MAOB: variants seen among roughly 807,000 people sequenced by gnomAD.
The protein encoded by MAOB is amine oxidase [flavin-containing] B.
In MAOB, 15 loss-of-function variants were observed where a neutral mutation model predicts 41.9. The observed-to-expected ratio is 0.36, with a 90% CI of 0.24 to 0.55. The LOEUF is 0.55. Ranked by LOEUF, MAOB falls within the 20% of genes least tolerant of loss-of-function variation. MAOB has a pLI of 0.86. For missense variants in MAOB, 345 were observed against 398.7 expected (o/e 0.87, Z 1.15); for synonymous variants, 167 against 144.2 (o/e 1.16, Z -1.13).
intron 1 of MAOB, among the ~76,000 whole-genome samples, chrX:43,879,616 CCTT>C (rs2035461299): frequency 1.8e-5 from 2 of 111,411 alleles, no homozygotes; most frequent in Admixed American, 1.9e-4. Context: ...TTTCCCAAAA[CCTT>C]CTCTCCCTCT....
chrX:43,870,550 C>T (rs1477269419), intron 1 of MAOB, among the ~76,000 whole-genome samples: 1 of 110,795 alleles, frequency 9.0e-6, no homozygotes, highest in Non-Finnish European at 1.9e-5. Context: ...AATCCCGGCT[C>T]TTTGGGAGGC....
At chrX:43,828,069 T>C (rs892819416) in intron 3 of MAOB, among the ~76,000 whole-genome samples, 1 of 111,757 alleles carries the variant, frequency 8.9e-6, no homozygotes. Context: ...CTGTTGTTTT[T>C]AGATGGACTC....
At chrX:43,775,070 TTTTG>T in intron 12 of MAOB, 101 bp downstream of exon 12, 1 of 897,534 alleles carries the variant, frequency 1.1e-6, no homozygotes, top group Non-Finnish European at 1.4e-6. Context: ...TTTTTTTTTT[TTTTG>T]TATTTATAAG....
At chrX:43,847,889 C>T (rs2035219496) in intron 1 of MAOB, among the ~76,000 whole-genome samples, 1 of 112,092 alleles carries the variant, frequency 8.9e-6, no homozygotes, top group African/African-American at 3.2e-5. Context: ...ATGACAGGCC[C>T]TTGGATGAAT....
At chrX:43,780,204 C>T in intron 10 of MAOB, 138 bp downstream of exon 10, 1 of 491,248 alleles carries the variant, frequency 2.0e-6, no homozygotes, top group Non-Finnish European at 3.5e-6. Context: ...ATTAGGCAGT[C>T]CGTAAGTTAA....
chrX:43,857,728 C>T (rs1304326819), intron 1 of MAOB, among the ~76,000 whole-genome samples: 2 of 111,216 alleles, frequency 1.8e-5, no homozygotes, highest in East Asian at 5.7e-4. Flanking sequence ...GGACTTGTCT[C>T]GGAGTCAGAG....
At chrX:43,810,014 C>G (rs1207347933) in intron 3 of MAOB, among the ~76,000 whole-genome samples, 5 of 99,780 alleles carry the variant, frequency 5.0e-5, no homozygotes, top group Non-Finnish European at 9.6e-5. Flanking sequence ...GAGGCCGAGG[C>G]GGGCGGATCA....
intron 1 of MAOB, among the ~76,000 whole-genome samples, chrX:43,869,230 T>C (rs779756066): frequency 6.3e-5 from 7 of 111,989 alleles, no homozygotes; most frequent in Non-Finnish European, 1.3e-4. Flanking sequence ...CTCTCTATTA[T>C]AATTTGTTTT....
At chrX:43,813,044 G>A (rs1294161768) in intron 3 of MAOB, among the ~76,000 whole-genome samples, 1 of 112,170 alleles carries the variant, frequency 8.9e-6, no homozygotes, top group African/African-American at 3.2e-5. Context: ...TATGAGATAG[G>A]CATCATGTTG....
At chrX:43,773,137 A>G (rs2034207385) in intron 12 of MAOB, among the ~76,000 whole-genome samples, 1 of 112,182 alleles carries the variant, frequency 8.9e-6, no homozygotes, top group African/African-American at 3.2e-5. Flanking sequence ...ATGCCATTCC[A>G]TCTGCATAGA....
At position 43,853,747 on chromosome X, in the gene MAOB, T is replaced by C. The variant is rs138466445; in HGVS notation, c.47-9983A>G. On this transcript the variant is annotated intron_variant, in intron 1 of 14. Coordinates refer to ENST00000378069, the MANE Select transcript of MAOB (RefSeq NM_000898.5). Reference sequence around the variant, plus strand: ...GAAGGCAGAGATAGAGTGATGCCTCTATAAGCCAAGAGGCACTAAAGATCG... The same window carrying C: ...GAAGGCAGAGATAGAGTGATGCCTCCATAAGCCAAGAGGCACTAAAGATCG... Among the ~76,000 whole-genome samples the C allele has an allele frequency of 0.014, 1,518 of 111,392 alleles. 44 individuals carry two copies. The South Asian group carries it at 0.16, about 12-fold the overall frequency.
chrX:43,836,571 A>G (rs910519688), intron 3 of MAOB, among the ~76,000 whole-genome samples: 3 of 112,365 alleles, frequency 2.7e-5, no homozygotes, highest in African/African-American at 9.7e-5. Flanking sequence ...GCATGTGCAT[A>G]CAATTTCTTA....
At chrX:43,814,676 A>G (rs1304756193) in intron 3 of MAOB, among the ~76,000 whole-genome samples, 3 of 111,944 alleles carry the variant, frequency 2.7e-5, no homozygotes, top group African/African-American at 9.7e-5. Context: ...TATATATTCA[A>G]TTGGTGTTTG....
intron 11 of MAOB, among the ~76,000 whole-genome samples, chrX:43,775,646 G>T (rs1178236441): frequency 1.8e-5 from 2 of 111,953 alleles, no homozygotes; most frequent in Non-Finnish European, 3.8e-5. Context: ...AGGAAAAAAA[G>T]ACAGAAAAAT....
intron 2 of MAOB, among the ~76,000 whole-genome samples, chrX:43,841,728 A>C (rs73473864): frequency 0.028 from 3,133 of 112,090 alleles, 106 homozygotes; most frequent in South Asian, 0.17. Context: ...CCAATAGAAC[A>C]GGATAGAAAG....
intron 3 of MAOB, among the ~76,000 whole-genome samples, chrX:43,816,277 A>G (rs971719848): frequency 8.9e-6 from 1 of 111,806 alleles, no homozygotes; most frequent in Non-Finnish European, 1.9e-5. Flanking sequence ...GGCTTTATGA[A>G]TATGTTCATT....
intron 1 of MAOB, among the ~76,000 whole-genome samples, chrX:43,847,356 A>G (rs2035214656): frequency 9.0e-6 from 1 of 111,302 alleles, no homozygotes; most frequent in Non-Finnish European, 1.9e-5. Context: ...AAAAAATAAA[A>G]TAAAATAAAA....
intron 13 of MAOB, 93 bp downstream of exon 13, chrX:43,769,214 G>C (rs768389254): frequency 9.5e-5 from 100 of 1,050,079 alleles, no homozygotes; most frequent in Non-Finnish European, 1.2e-4. Context: ...GGGGTTACTG[G>C]AGAGTTGGTC....
intron 2 of MAOB, 79 bp downstream of exon 2, chrX:43,843,591 T>A (rs1274161970): frequency 1.1e-5 from 11 of 971,145 alleles, no homozygotes; most frequent in Non-Finnish European, 1.6e-5. Flanking sequence ...AATTGAAGAC[T>A]TTTGGGGAAA....
Sources: allele counts gnomAD v4.1 joint callset (sites outside exome capture counted in the v4.1 genomes callset), GRCh38; gene constraint gnomAD v4.1.1; transcripts MANE v1.5; gene names NCBI Gene and HGNC (gene_info 2026-07-23, HGNC 2026-07-21).